Variants in EBF2 observed in about 807,000 individuals in gnomAD.
EBF2 encodes transcription factor COE2.
EBF2 carries 21 observed loss-of-function variants against 72.8 expected under a neutral mutation model. The ratio of observed to expected loss-of-function variants is 0.29; its 90% CI spans 0.20 to 0.42. The LOEUF (loss-of-function observed/expected upper bound fraction) is 0.42. Ranked by LOEUF, EBF2 falls within the 10% of genes least tolerant of loss-of-function variation. The probability of loss-of-function intolerance (pLI) is 1.00; values close to 1 mark genes in which losing one functional copy is unlikely to be tolerated. For synonymous variants in EBF2, 299 were observed against 274.2 expected (o/e 1.09, Z -0.89); for missense variants, 637 against 731.2 (o/e 0.87, Z 1.49).
intron 6 of EBF2, among the ~76,000 whole-genome samples, chr8:25,954,801 C>T (rs958982180): frequency 6.6e-6 from 1 of 152,202 alleles, no homozygotes; most frequent in Non-Finnish European, 1.5e-5. Flanking sequence ...TGGTTATTTG[C>T]TGCTATGGCA....
At chr8:25,854,583 G>A (rs1454845784) in intron 14 of EBF2, among the ~76,000 whole-genome samples, 1 of 152,130 alleles carries the variant, frequency 6.6e-6, no homozygotes, top group African/African-American at 2.4e-5. Flanking sequence ...CACAGAGTGT[G>A]CCATTTTTCT....
chr8:25,860,207 C>T (rs866669584), intron 13 of EBF2, among the ~76,000 whole-genome samples: 16 of 152,164 alleles, frequency 1.1e-4, no homozygotes, highest in East Asian at 3.9e-4. Flanking sequence ...TGTCTTTACA[C>T]GGTCTGCTTC....
Position 25,843,879 on chromosome 8 carries a change from A to G in EBF2, c.*730T>C, listed in dbSNP as rs1801779841. 6.6e-6 allele frequency: 1 copy of G among 152,200 alleles called. No individual in the cohort carries two copies. Among genetic ancestry groups the G allele is most frequent in the South Asian group, 2.1e-4 (1 of 4,830 alleles). The allele number at this position is 152,200 out of a possible 1,614,324, so 9.4% of individuals were successfully genotyped here. On this transcript the variant is annotated 3_prime_UTR_variant, in exon 16 of 16. Transcript: ENST00000520164. ...AAGAATCTAGTAAGTAACTGCAGTA[A>G]TAATCACACACCTTTAAAACTTGTT...
intron 6 of EBF2, among the ~76,000 whole-genome samples, chr8:25,919,924 T>C (rs887191234): frequency 6.6e-6 from 1 of 152,230 alleles, no homozygotes; most frequent in Non-Finnish European, 1.5e-5. Context: ...GCAATGCTAT[T>C]ACTTGGGTAG....
chr8:26,001,696 G>C (rs184911340), intron 6 of EBF2, among the ~76,000 whole-genome samples: 1 of 152,014 alleles, frequency 6.6e-6, no homozygotes, highest in Non-Finnish European at 1.5e-5. Flanking sequence ...TTACAGGGAC[G>C]CGCCACCATG....
chr8:25,973,682 T>G (rs1181359019), intron 6 of EBF2, among the ~76,000 whole-genome samples: 1 of 152,190 alleles, frequency 6.6e-6, no homozygotes, highest in Non-Finnish European at 1.5e-5. Context: ...TTTGTTTTTC[T>G]TTTTAGTTTT....
At chr8:25,949,119 G>T (rs1430385501) in intron 6 of EBF2, among the ~76,000 whole-genome samples, 3 of 152,062 alleles carry the variant, frequency 2.0e-5, no homozygotes, top group Non-Finnish European at 2.9e-5. Flanking sequence ...ACATTAACTT[G>T]TTTAATCCTT....
At chr8:25,863,472 G>A (rs1802247536) in intron 10 of EBF2, among the ~76,000 whole-genome samples, 1 of 152,064 alleles carries the variant, frequency 6.6e-6, no homozygotes, top group Non-Finnish European at 1.5e-5. Flanking sequence ...TTAATGAATG[G>A]CATACTTTAG....
chr8:25,969,637 C>T (rs1320203636), intron 6 of EBF2, among the ~76,000 whole-genome samples: 1 of 152,122 alleles, frequency 6.6e-6, no homozygotes, highest in African/African-American at 2.4e-5. Flanking sequence ...GTAAATTTAT[C>T]GTTGTATTAT....
intron 13 of EBF2, among the ~76,000 whole-genome samples, chr8:25,860,755 A>C (rs1432104042): frequency 6.6e-6 from 1 of 152,050 alleles, no homozygotes; most frequent in Non-Finnish European, 1.5e-5. Context: ...GGGCTCAAGC[A>C]ATCTACCTGC....
chr8:26,042,356 A>T, intron 1 of EBF2, 105 bp from the exon 2 acceptor site: 2 of 1,392,830 alleles, frequency 1.4e-6, no homozygotes, highest in Non-Finnish European at 9.7e-7. Flanking sequence ...TCCACTTCCC[A>T]GGTCCAGAGT....
In EBF2 at chr8:25,848,888, G is replaced by A. The variant is rs567627429; in HGVS notation, c.1696+1706C>T. ...ATAAAACCAGAGAACTTAAAAAGAG[G>A]AAACATCAACACTGAAGAGGTCATG... On this transcript the variant is annotated intron_variant, in intron 15 of 15. Transcript: ENST00000520164. Among the ~76,000 whole-genome samples the A allele has an allele frequency of 3.2e-4, 48 of 152,276 alleles. 1 individual carries two copies. The South Asian group carries it at 8.5e-3, about 27-fold the overall frequency.
rs191829960 is a variant in EBF2 at position 25,983,546 on chromosome 8, G to A, written c.551+49539C>T. Among the ~76,000 whole-genome samples, 9 of 152,320 alleles carry A rather than the reference G, an allele frequency of 5.9e-5. No individual in the cohort carries two copies. The East Asian group carries it at 1.7e-3, about 29-fold the overall frequency. Reference sequence around the variant, plus strand: ...CACTCTCCTGCCCTCATCCCCAGCTGTCTACTGGGAACTAATTTGGGACTG... The same window carrying A: ...CACTCTCCTGCCCTCATCCCCAGCTATCTACTGGGAACTAATTTGGGACTG... On this transcript the variant is annotated intron_variant, in intron 6 of 15. Coordinates refer to ENST00000520164, the MANE Select transcript of EBF2 (RefSeq NM_022659.4).
rs1429071818 is a variant in EBF2 at position 25,842,615 on chromosome 8, T to C, written c.*1994A>G. 6.6e-6 allele frequency: 1 copy of C among 152,162 alleles called. No individual in the cohort carries two copies. The highest frequency in any genetic ancestry group is 2.4e-5 in the African/African-American group (1 of 41,444). The allele number at this position is 152,162 out of a possible 1,614,324, so 9.4% of individuals were successfully genotyped here. A position where few individuals can be genotyped will look rare whatever the true frequency, so the allele number is the denominator to read the frequency against. ...GGGGACTTTTTCTCTTATGTTTCCGTGTATTTTGGCGCTTTAAGCCCTGAC... is the reference window on the plus strand; with the variant it reads ...GGGGACTTTTTCTCTTATGTTTCCGCGTATTTTGGCGCTTTAAGCCCTGAC... On this transcript the variant is annotated 3_prime_UTR_variant, in exon 16 of 16. Coordinates refer to ENST00000520164, the MANE Select transcript of EBF2 (RefSeq NM_022659.4).
intron 6 of EBF2, among the ~76,000 whole-genome samples, chr8:26,006,584 C>T (rs1804886231): frequency 6.6e-6 from 1 of 152,166 alleles, no homozygotes; most frequent in South Asian, 2.1e-4. Context: ...CTATATTCTT[C>T]CTGATGAGAA....
Position 25,930,030 on chromosome 8 carries a change from T to A in EBF2, c.552-21475A>T, listed in dbSNP as rs1465690420. Among the ~76,000 whole-genome samples the A allele has an allele frequency of 2.0e-5, 3 of 152,242 alleles. No individual in the cohort carries two copies. In the South Asian group the frequency reaches 6.2e-4, roughly 32 times the overall value. ...AGTGAATTTTCTATAATTACTTCAA[T>A]GTTCTTTGAAAAATGCAGAGAAAAA... On this transcript the variant is annotated intron_variant, in intron 6 of 15. Transcript: ENST00000520164.
intron 6 of EBF2, among the ~76,000 whole-genome samples, chr8:25,943,331 AAAG>A (rs1369326816): frequency 4.9e-5 from 7 of 143,494 alleles, no homozygotes; most frequent in East Asian, 2.1e-4. Flanking sequence ...AAAAAAAAAA[AAAG>A]AAAGAAAGAA....
chr8:25,844,708 T>C (rs1801797263), intron 15 of EBF2, 68 bp from the exon 16 acceptor site: 2 of 1,583,104 alleles, frequency 1.3e-6, no homozygotes, highest in African/African-American at 2.7e-5. Flanking sequence ...TGACACAGAA[T>C]GAGGGGCAGG....
chr8:25,964,506 T>C (rs2171078), intron 6 of EBF2, among the ~76,000 whole-genome samples: 74,648 of 151,868 alleles, frequency 0.49, 18,795 homozygotes, highest in East Asian at 0.85. Context: ...CTTCTCAATC[T>C]GGGTCGAGGG....
Sources: allele counts gnomAD v4.1 joint callset (sites outside exome capture counted in the v4.1 genomes callset), GRCh38; gene constraint gnomAD v4.1.1; transcripts MANE v1.5; gene names NCBI Gene and HGNC (gene_info 2026-07-23, HGNC 2026-07-21).